Variants in SDK1 observed in about 807,000 individuals in gnomAD.
SDK1 encodes protein sidekick-1.
In SDK1, 157 loss-of-function variants were observed where a neutral mutation model predicts 245.5. The ratio of observed to expected loss-of-function variants is 0.64; its 90% confidence interval spans 0.56 to 0.73. The LOEUF (loss-of-function observed/expected upper bound fraction) is 0.73. Among genes scored for constraint, SDK1 ranks in the 30% least tolerant of loss-of-function variants. The probability of loss-of-function intolerance (pLI) is 0.00; values close to 1 mark genes in which losing one functional copy is unlikely to be tolerated. For synonymous variants in SDK1, 1,647 were observed against 1,278.5 expected (o/e 1.29, Z -6.15); for missense variants, 3,583 against 3,002.3 (o/e 1.19, Z -4.52).
At chr7:4,096,396 G>A (rs57446888) in intron 22 of SDK1, among the ~76,000 whole-genome samples, 1,581 of 152,182 alleles carry the variant, frequency 0.01, 26 homozygotes, top group African/African-American at 0.037. Flanking sequence ...CCACCCTCCC[G>A]GCAATGGTTG....
intron 17 of SDK1, among the ~76,000 whole-genome samples, chr7:4,042,770 C>A (rs987923643): frequency 1.3e-5 from 2 of 152,182 alleles, no homozygotes; most frequent in African/African-American, 2.4e-5. Context: ...GGTTATGTAA[C>A]CCTCAATAAT....
chr7:3,910,459 C>T (rs1562529970), intron 5 of SDK1, among the ~76,000 whole-genome samples: 3 of 152,100 alleles, frequency 2.0e-5, no homozygotes, highest in Non-Finnish European at 4.4e-5. Flanking sequence ...ATGTGTGTGC[C>T]GGGCATCTGT....
At chr7:4,068,556 G>C (rs796465136) in intron 20 of SDK1, among the ~76,000 whole-genome samples, 3 of 152,128 alleles carry the variant, frequency 2.0e-5, no homozygotes, top group Admixed American at 6.5e-5. Flanking sequence ...TCCAGTGAGA[G>C]CCCTGAGGAG....
At chr7:4,148,826 G>C (rs151256838) in intron 29 of SDK1, among the ~76,000 whole-genome samples, 1,737 of 152,328 alleles carry the variant, frequency 0.011, 28 homozygotes, top group African/African-American at 0.038. Flanking sequence ...GGGAGGCCGA[G>C]GCAGGCGGAT....
chr7:3,472,832 A>T (rs996760647), intron 1 of SDK1, among the ~76,000 whole-genome samples: 1 of 152,156 alleles, frequency 6.6e-6, no homozygotes, highest in East Asian at 1.9e-4. Context: ...CCGTAGTTTT[A>T]GGTCTGGCTT....
At chr7:4,244,246 C>G (rs1786701956) in intron 43 of SDK1, among the ~76,000 whole-genome samples, 1 of 152,190 alleles carries the variant, frequency 6.6e-6, no homozygotes, top group African/African-American at 2.4e-5. Flanking sequence ...TGAGAAGACA[C>G]TTCCTCTGTA....
At chr7:4,016,137 C>A (rs542335493) in intron 16 of SDK1, among the ~76,000 whole-genome samples, 19 of 152,232 alleles carry the variant, frequency 1.2e-4, no homozygotes, top group Non-Finnish European at 2.4e-4. Flanking sequence ...CCGCGTGGGA[C>A]CACACAGGTA....
chr7:3,559,837 G>T (rs555348559), intron 1 of SDK1, among the ~76,000 whole-genome samples: 1 of 151,134 alleles, frequency 6.6e-6, no homozygotes, highest in African/African-American at 2.4e-5. Flanking sequence ...GTAGATTATA[G>T]ACTTCACAAG....
intron 5 of SDK1, among the ~76,000 whole-genome samples, chr7:3,843,994 A>G (rs1374135224): frequency 1.3e-5 from 2 of 152,178 alleles, no homozygotes; most frequent in African/African-American, 2.4e-5. Context: ...TTTATTAGAC[A>G]GAGTCTCACC....
chr7:4,024,547 A>G (rs1395309364), intron 17 of SDK1, among the ~76,000 whole-genome samples: 1 of 152,260 alleles, frequency 6.6e-6, no homozygotes, highest in African/African-American at 2.4e-5. Flanking sequence ...GACAAAGGAC[A>G]GGAAGCTCAT....
chr7:3,411,701 A>G (rs980830178), intron 1 of SDK1, among the ~76,000 whole-genome samples: 1 of 152,078 alleles, frequency 6.6e-6, no homozygotes, highest in Non-Finnish European at 1.5e-5. Context: ...TCTTATTCAT[A>G]CTAATTCTCA....
At chr7:3,585,460 C>G (rs1264433556) in intron 1 of SDK1, among the ~76,000 whole-genome samples, 1 of 152,080 alleles carries the variant, frequency 6.6e-6, no homozygotes, top group Non-Finnish European at 1.5e-5. Flanking sequence ...AAAGAGATGA[C>G]AACATTAAGC....
chr7:4,116,870 G>T (rs1328331534), intron 25 of SDK1, among the ~76,000 whole-genome samples: 1 of 152,220 alleles, frequency 6.6e-6, no homozygotes, highest in African/African-American at 2.4e-5. Context: ...GTTTCAGGAT[G>T]GAACTGCCCA....
intron 5 of SDK1, among the ~76,000 whole-genome samples, chr7:3,918,786 C>T (rs548324799): frequency 2.8e-4 from 42 of 152,188 alleles, no homozygotes; most frequent in African/African-American, 7.0e-4. Flanking sequence ...GACGCTGGAC[C>T]GGCGGTTCTA....
At chr7:3,531,304 C>G (rs917840368) in intron 1 of SDK1, among the ~76,000 whole-genome samples, 1 of 152,076 alleles carries the variant, frequency 6.6e-6, no homozygotes, top group Non-Finnish European at 1.5e-5. Flanking sequence ...TTTATTTACC[C>G]TTGGTTTTGT....
chr7:3,446,250 A>G (rs534586150), intron 1 of SDK1, among the ~76,000 whole-genome samples: 1 of 151,942 alleles, frequency 6.6e-6, no homozygotes, highest in South Asian at 2.1e-4. Flanking sequence ...TAACCTTGAA[A>G]CCCTCTATTA....
At chr7:3,630,303 A>C (rs1782250728) in intron 2 of SDK1, among the ~76,000 whole-genome samples, 1 of 152,248 alleles carries the variant, frequency 6.6e-6, no homozygotes, top group Admixed American at 6.5e-5. Context: ...CCAGATTGTA[A>C]AGAAAGAAGT....
chr7:3,956,600 G>A (rs1181620002), intron 7 of SDK1, among the ~76,000 whole-genome samples: 1 of 152,228 alleles, frequency 6.6e-6, no homozygotes, highest in African/African-American at 2.4e-5. Flanking sequence ...CCCATGCCTA[G>A]CACTGAGCTA....
intron 4 of SDK1, among the ~76,000 whole-genome samples, chr7:3,676,366 C>T (rs896147266): frequency 1.4e-5 from 2 of 147,632 alleles, no homozygotes; most frequent in South Asian, 2.2e-4. Context: ...TGCTCTGTCG[C>T]CCAGGCTGGA....
Sources: gnomAD v4.1 joint callset for allele counts (sites outside exome capture counted in the v4.1 genomes callset) on GRCh38, gnomAD v4.1.1 for gene constraint, MANE v1.5 for transcripts, NCBI Gene and HGNC (gene_info 2026-07-23, HGNC 2026-07-21) for gene names.